Variants in CASK observed in about 807,000 individuals in gnomAD.
CASK encodes the protein calcium/calmodulin dependent serine protein kinase, also known as peripheral plasma membrane protein CASK.
In CASK, 4 loss-of-function variants were observed where a neutral mutation model predicts 82.9. The ratio of observed to expected loss-of-function variants is 0.05; its 90% CI spans 0.02 to 0.11. CASK has a LOEUF of 0.11. Ranked by LOEUF, CASK falls within the 10% of genes least tolerant of loss-of-function variation. The probability of loss-of-function intolerance (pLI) is 1.00; values close to 1 mark genes in which losing one functional copy is unlikely to be tolerated. For synonymous variants in CASK, 259 were observed against 253.5 expected, an observed-to-expected ratio of 1.02 and a Z score of -0.20; for missense variants, 358 against 720.9, an observed-to-expected ratio of 0.50 and a Z score of 5.76.
intron 4 of CASK, among the ~76,000 whole-genome samples, chrX:41,741,809 A>G (rs1008963014): frequency 5.7e-4 from 64 of 112,400 alleles, no homozygotes; most frequent in African/African-American, 2.0e-3. Context: ...TGTTCTAGGA[A>G]GTTGCTGACT....
chrX:41,574,152 G>C (rs12353888), intron 15 of CASK, among the ~76,000 whole-genome samples: 2,541 of 110,932 alleles, frequency 0.023, 75 homozygotes, highest in African/African-American at 0.079. Flanking sequence ...CTGAGGTTCT[G>C]TCTGTGTGCA....
chrX:41,524,655 G>C (rs2064686422), intron 25 of CASK: 1 of 112,268 alleles, frequency 8.9e-6, no homozygotes, highest in Non-Finnish European at 1.9e-5. Context: ...AGAAAATGCT[G>C]CACTCAAGAC....
rs761508327 is a variant in CASK at position 41,833,841 on chromosome X, TG to T, written c.172+19273del. ...ACAGCTCACTGCAGCCTCGACTTCC[TG>T]GGCTCAGGCGATCCTCCCACCTCAG... On this transcript the variant is annotated intron_variant, in intron 2 of 26. Transcript: ENST00000378163. Among the ~76,000 whole-genome samples the T allele has an allele frequency of 1.6e-3, 176 of 111,774 alleles. 1 individual carries two copies. Among genetic ancestry groups the T allele is most frequent in the African/African-American group, 5.5e-3 (168 of 30,742 alleles).
intron 5 of CASK, chrX:41,728,063 T>A (rs1010767072): frequency 2.2e-6 from 2 of 900,532 alleles, no homozygotes; most frequent in African/African-American, 4.0e-5. Context: ...CCCCACAATA[T>A]TAAGAAAAGC....
Position 41,559,845 on chromosome X carries a change from C to T in CASK, c.1671G>A (p.Arg557=). The T allele has an allele frequency of 2.5e-6, 3 of 1,203,868 alleles. No homozygotes were observed. The highest frequency in any genetic ancestry group is 3.4e-6 in the Non-Finnish European group (3 of 888,635). Residue 557 remains arginine, a splice_region_variant and synonymous_variant, in exon 18 of 27, where the codon AGG becomes AGA. Coordinates refer to ENST00000378163, the MANE Select transcript of CASK (RefSeq NM_001367721.1). ...TGAAGGTAATACTCCCCCGCATTTC[C>T]CTCTGGAGGGGGGGTGGTGGGAAAG... The part of the protein sequence containing the change: ...QTVEQLQKML[R]EMRGSITFKI...
intron 3 of CASK, among the ~76,000 whole-genome samples, chrX:41,778,867 G>GAA (rs77375507): frequency 1.1e-5 from 1 of 87,509 alleles, no homozygotes; most frequent in Non-Finnish European, 2.3e-5. Flanking sequence ...CAGTTAAAAA[G>GAA]AAAAAAAAAA....
intron 14 of CASK, among the ~76,000 whole-genome samples, chrX:41,579,691 A>AT (rs1169934454): frequency 8.9e-6 from 1 of 112,094 alleles, no homozygotes; most frequent in African/African-American, 3.2e-5. Flanking sequence ...CTGTGCGGTA[A>AT]TATCTGCAGA....
At chrX:41,565,933 C>A (rs141971225) in intron 16 of CASK, among the ~76,000 whole-genome samples, 2 of 111,782 alleles carry the variant, frequency 1.8e-5, no homozygotes, top group African/African-American at 6.5e-5. Context: ...GGTTAACATA[C>A]GCAAATCAAT....
intron 5 of CASK, chrX:41,728,094 G>A (rs759790340): frequency 6.9e-6 from 4 of 575,563 alleles, no homozygotes; most frequent in Non-Finnish European, 1.0e-5. Flanking sequence ...CTTTATTAGG[G>A]ACACTAAACT....
rs377590077 is a variant in CASK at position 41,922,947 on chromosome X, C to G, written c.42G>C (p.Leu14=). The change falls in exon 1 of 27, where the codon CTG becomes CTC. Residue 14 remains leucine (L), a synonymous_variant. Coordinates refer to ENST00000378163, the MANE Select transcript of CASK (RefSeq NM_001367721.1). ...DDVLFEDVYE[L]CEVIGKGPFS... is the part of the protein sequence containing the mutation. ...AGACTCACTTTCCGATCACCTCGCA[C>G]AGCTCGTACACATCCTCGAACAGCA... The G allele has an allele frequency of 1.2e-5, 14 of 1,209,413 alleles. No individual in the cohort carries two copies. In the African/African-American group the frequency reaches 2.1e-4, roughly 18 times the overall value.
At chrX:41,850,947 C>A (rs1163753032) in intron 2 of CASK, among the ~76,000 whole-genome samples, 1 of 111,375 alleles carries the variant, frequency 9.0e-6, no homozygotes, top group East Asian at 2.8e-4. Flanking sequence ...CATGGGAATC[C>A]CATCGCAAGA....
At chrX:41,826,463 G>A (rs1264104499) in intron 2 of CASK, among the ~76,000 whole-genome samples, 1 of 111,637 alleles carries the variant, frequency 9.0e-6, no homozygotes, top group African/African-American at 3.3e-5. Context: ...CCTTGGTTTA[G>A]TTTTTTGTTT....
chrX:41,679,168 T>C (rs1262590119), intron 5 of CASK, among the ~76,000 whole-genome samples: 2 of 111,654 alleles, frequency 1.8e-5, no homozygotes, highest in African/African-American at 6.5e-5. Flanking sequence ...CACAAAAGCG[T>C]ACCATTAGAG....
Position 41,555,559 on chromosome X carries a change from T to A in CASK, c.1842+41A>T, listed in dbSNP as rs17144508. On this transcript the variant is annotated intron_variant, in intron 20 of 26. Transcript: ENST00000378163. ...GGTTAATAAAGGATTGGCTATTAGC[T>A]GCTCAGTTTAGAGAAGTTTCTATAG... 5.1e-3 allele frequency: 5,452 copies of A among 1,062,756 alleles called. 170 individuals are homozygous for A. In the African/African-American group the frequency reaches 0.088, roughly 17 times the overall value. The allele number at this position is 1,062,756 out of a possible 1,213,427, so 87.6% of individuals were successfully genotyped here.
chrX:41,886,451 T>G (rs1050780584), intron 1 of CASK, among the ~76,000 whole-genome samples: 19 of 111,727 alleles, frequency 1.7e-4, no homozygotes, highest in Middle Eastern at 4.2e-3. Context: ...CAAAGACATC[T>G]TTAAAGTCAA....
intron 5 of CASK, among the ~76,000 whole-genome samples, chrX:41,733,779 A>G (rs1457851062): frequency 9.0e-6 from 1 of 111,139 alleles, no homozygotes. Context: ...TAAAATAAAT[A>G]AAGAATAAAT....
At position 41,515,707 on chromosome X, in the gene CASK, GCCACTCA is replaced by G. The variant is rs2064537775; in HGVS notation, c.*4706_*4712del. 1.8e-5 allele frequency: 2 copies of G among 111,656 alleles called. No individual in the cohort carries two copies. The highest frequency in any genetic ancestry group is 7.5e-4 in the South Asian group (2 of 2,662). 9.2% of individuals were successfully genotyped at this position (111,656 alleles called of 1,213,427 possible). A position where few individuals can be genotyped will look rare whatever the true frequency, so the allele number is the denominator to read the frequency against. ...TCCAAATAAAAAAAAAATAGGGGGA[GCCACTCA>G]CTGTGGAGGAATGCCTGTTTCTGTT... is the stretch of plus-strand genomic sequence containing the variant. On this transcript the variant is annotated 3_prime_UTR_variant, in exon 27 of 27. Transcript: ENST00000378163.
chrX:41,920,859 C>T (rs1444225615), intron 1 of CASK, among the ~76,000 whole-genome samples: 2 of 112,032 alleles, frequency 1.8e-5, no homozygotes, highest in Non-Finnish European at 3.8e-5. Flanking sequence ...ATTTTAATCT[C>T]ACATTTTCCA....
At chrX:41,747,922 A>T (rs2068720704) in intron 3 of CASK, among the ~76,000 whole-genome samples, 1 of 112,435 alleles carries the variant, frequency 8.9e-6, no homozygotes, top group Non-Finnish European at 1.9e-5. Flanking sequence ...TTCCTTGATT[A>T]CTACAGAGAG....
Sources: gnomAD v4.1 joint callset for allele counts (sites outside exome capture counted in the v4.1 genomes callset) on GRCh38, gnomAD v4.1.1 for gene constraint, MANE v1.5 for transcripts, NCBI Gene and HGNC (gene_info 2026-07-23, HGNC 2026-07-21) for gene names.